The following UBE3D variants were observed in gnomAD, a reference collection of about 807,000 sequenced individuals.
The protein encoded by UBE3D is ubiquitin protein ligase E3D, also known as E3 ubiquitin-protein ligase E3D.
A neutral mutation model predicts 49.6 loss-of-function variants in UBE3D; 48 were observed. The ratio of observed to expected loss-of-function variants is 0.97; its 90% CI spans 0.77 to 1.23. The LOEUF is 1.23. Among genes scored for constraint, UBE3D ranks in the 50% most tolerant of loss-of-function variants. The pLI is 0.00. For missense variants in UBE3D, 452 were observed against 468.4 expected, an observed-to-expected ratio of 0.96 and a Z score of 0.32; for synonymous variants, 189 against 174.2, an observed-to-expected ratio of 1.08 and a Z score of -0.67.
intron 9 of UBE3D, among the ~76,000 whole-genome samples, chr6:82,927,240 C>T (rs1773825404): frequency 6.6e-6 from 1 of 151,154 alleles, no homozygotes; most frequent in African/African-American, 2.4e-5. Flanking sequence ...CCACCAATAC[C>T]ACACTGGTGG....
At chr6:83,035,815 CTCTAT>C (rs1782205976) in intron 5 of UBE3D, among the ~76,000 whole-genome samples, 1 of 152,036 alleles carries the variant, frequency 6.6e-6, no homozygotes, top group East Asian at 1.9e-4. Flanking sequence ...ATTCTGTTGT[CTCTAT>C]TCTCTCTTTC....
chr6:82,892,697 C>A lies in UBE3D; in HGVS notation c.*325G>T, dbSNP rs80095954. The A allele has an allele frequency of 2.7e-6, 1 of 365,300 alleles. No individual in the cohort carries two copies. The highest frequency in any genetic ancestry group is 2.1e-5 in the African/African-American group (1 of 47,754). 22.6% of individuals were successfully genotyped at this position (365,300 alleles called of 1,614,324 possible). ...ATTCCACACAGGACAGATGGATCTC[C>A]ATTAGGTAATAACCTTCCAGGTGGT... is the stretch of plus-strand genomic sequence containing the variant. On this transcript the variant is annotated 3_prime_UTR_variant, in exon 10 of 10. Transcript: ENST00000369747.
At chr6:82,934,302 C>A (rs777408858) in intron 9 of UBE3D, among the ~76,000 whole-genome samples, 3 of 152,114 alleles carry the variant, frequency 2.0e-5, no homozygotes, top group African/African-American at 7.2e-5. Flanking sequence ...CAGCCTAAGG[C>A]GGTTCTTTAT....
chr6:83,015,272 T>C (rs542619809), intron 8 of UBE3D, among the ~76,000 whole-genome samples: 1 of 152,238 alleles, frequency 6.6e-6, no homozygotes, highest in South Asian at 2.1e-4. Context: ...CTGGGATGAG[T>C]AGATCTAGAG....
At chr6:82,906,837 T>A (rs1772137687) in intron 9 of UBE3D, among the ~76,000 whole-genome samples, 1 of 152,216 alleles carries the variant, frequency 6.6e-6, no homozygotes, top group African/African-American at 2.4e-5. Flanking sequence ...TTCTATCTGG[T>A]TAGCTAAGTA....
intron 5 of UBE3D, among the ~76,000 whole-genome samples, chr6:83,029,735 G>A (rs995121104): frequency 1.3e-5 from 2 of 152,174 alleles, no homozygotes; most frequent in Non-Finnish European, 2.9e-5. Context: ...TTGGTTATTG[G>A]TTGGGATAGC....
intron 8 of UBE3D, among the ~76,000 whole-genome samples, chr6:82,969,545 T>C (rs1013382519): frequency 1.3e-5 from 2 of 151,744 alleles, no homozygotes; most frequent in African/African-American, 2.4e-5. Flanking sequence ...GTGGTGGAGG[T>C]TGCAGTGAGT....
chr6:83,038,766 C>A (rs763844599), intron 4 of UBE3D, among the ~76,000 whole-genome samples: 15 of 152,038 alleles, frequency 9.9e-5, no homozygotes, highest in Non-Finnish European at 1.9e-4. Context: ...CCTTATATTT[C>A]TAAAAAGCAC....
the UBE3D span, among the ~76,000 whole-genome samples, chr6:82,886,924 T>C: frequency 6.6e-6 from 1 of 152,190 alleles, no homozygotes; most frequent in South Asian, 2.1e-4. Context: ...AAGAATTTTT[T>C]TAACATTGGC....
rs1158447099 is a variant in UBE3D, at chr6:82,892,770, T to C, written c.*252A>G. 1 of 488,198 alleles carries C rather than the reference T, an allele frequency of 2.0e-6. No individual in the cohort carries two copies. 30.2% of individuals were successfully genotyped at this position (488,198 alleles called of 1,614,324 possible). ...TATTCCTCTCTGTGGGAAATAGAGA[T>C]GTAACTTCTACACTTGCCTCAACCT... On this transcript the variant is annotated 3_prime_UTR_variant, in exon 10 of 10. Coordinates refer to ENST00000369747, the MANE Select transcript of UBE3D (RefSeq NM_198920.3).
chr6:82,888,602 A>G (rs1175433911), downstream of UBE3D, among the ~76,000 whole-genome samples: 3 of 152,126 alleles, frequency 2.0e-5, no homozygotes, highest in East Asian at 1.9e-4. Context: ...GAAGGCTACT[A>G]AAAGACACGA....
chr6:83,060,100 C>T (rs987948142), intron 1 of UBE3D, among the ~76,000 whole-genome samples: 1 of 152,184 alleles, frequency 6.6e-6, no homozygotes, highest in Non-Finnish European at 1.5e-5. Context: ...AATCTAACTA[C>T]CTCCCAAAGC....
Position 83,024,003 on chromosome 6 carries a change from G to T in UBE3D, c.703C>A (p.Gln235Lys). The change falls in exon 6 of 10, where the codon CAG becomes AAG. Residue 235 changes from glutamine (Q) to lysine (K), a missense_variant. By Grantham distance (53) the Gln-to-Lys change is moderately conservative. Coordinates refer to ENST00000369747, the MANE Select transcript of UBE3D (RefSeq NM_198920.3). ...ATAGGAAAACTCCTCTCAGATGACT[G>T]AATAATTATCTCTGTCATATAAAAC... is the stretch of plus-strand genomic sequence containing the variant. The part of the protein sequence containing the change: ...TKFYMTEIII[Q>K]SSERSFPIIP... 6.5e-7 allele frequency: 1 copy of T among 1,534,810 alleles called. No homozygotes were observed. The highest frequency in any genetic ancestry group is 8.7e-7 in the Non-Finnish European group (1 of 1,147,914).
chr6:82,971,050 T>A (rs978458260), intron 8 of UBE3D, among the ~76,000 whole-genome samples: 1 of 152,116 alleles, frequency 6.6e-6, no homozygotes, highest in African/African-American at 2.4e-5. Flanking sequence ...TCACTTAGCA[T>A]AATGTTTTCA....
intron 9 of UBE3D, among the ~76,000 whole-genome samples, chr6:82,897,982 C>G (rs1771453153): frequency 6.6e-6 from 1 of 152,128 alleles, no homozygotes; most frequent in Non-Finnish European, 1.5e-5. Flanking sequence ...AACAAATTCA[C>G]AAGAAAACAA....
chr6:82,998,864 C>T (rs11751698), intron 8 of UBE3D, among the ~76,000 whole-genome samples: 16,140 of 152,200 alleles, frequency 0.11, 973 homozygotes, highest in Non-Finnish European at 0.14. Flanking sequence ...CTGATGAACT[C>T]AACTGTCCGC....
intron 8 of UBE3D, among the ~76,000 whole-genome samples, chr6:82,987,963 T>C (rs1301088714): frequency 1.3e-5 from 2 of 152,130 alleles, no homozygotes; most frequent in African/African-American, 4.8e-5. Flanking sequence ...AAAAAGCAAG[T>C]TGCAAAAAAT....
At chr6:82,885,099 A>G in the UBE3D span, among the ~76,000 whole-genome samples, 2,562 of 152,190 alleles carry the variant, frequency 0.017, 39 homozygotes, top group Middle Eastern at 0.041. Flanking sequence ...CTGACTGGAG[A>G]TGGAAAACTA....
At position 83,023,970 on chromosome 6, in the gene UBE3D, T is replaced by C; in HGVS notation, c.736A>G (p.Arg246Gly). The C allele has an allele frequency of 1.3e-6, 2 of 1,518,086 alleles. No homozygotes were observed. Among genetic ancestry groups the C allele is most frequent in the East Asian group, 4.8e-5 (2 of 41,626 alleles). 94.0% of individuals were successfully genotyped at this position (1,518,086 alleles called of 1,614,324 possible). ...SSERSFPIIP[R>G]SWFVQSVIAQ... The stretch of plus-strand genomic sequence containing the variant: ...ATAAATGTAATTTGCTATTTGTACC[T>C]TGGTATGATAGGAAAACTCCTCTCA... The change falls in exon 6 of 10, where the codon AGG (arginine) becomes GGG (glycine). Residue 246 changes from arginine (R) to glycine (G), a missense_variant and splice_region_variant. By Grantham distance (125) the Arg-to-Gly change is moderately radical. Coordinates refer to ENST00000369747, the MANE Select transcript of UBE3D (RefSeq NM_198920.3).
Sources: allele counts gnomAD v4.1 joint callset (sites outside exome capture counted in the v4.1 genomes callset), GRCh38; gene constraint gnomAD v4.1.1; transcripts MANE v1.5; gene names NCBI Gene and HGNC (gene_info 2026-07-23, HGNC 2026-07-21).